Variants in DCP1B observed in about 807,000 individuals in gnomAD.
DCP1B encodes mRNA-decapping enzyme 1B.
Under a neutral mutation model 60.5 loss-of-function variants are expected in DCP1B, and 47 were observed. The ratio of observed to expected loss-of-function variants is 0.78; its 90% CI spans 0.61 to 0.99. The LOEUF (loss-of-function observed/expected upper bound fraction) is 0.99. Ranked by LOEUF, DCP1B falls within the 50% of genes least tolerant of loss-of-function variation. The pLI is 0.00. For synonymous variants in DCP1B, 267 were observed against 280.3 expected (o/e 0.95, Z 0.47); for missense variants, 725 against 756.8 (o/e 0.96, Z 0.49).
Position 1,953,092 on chromosome 12 carries a change from G to A in DCP1B, c.848C>T (p.Ser283Leu). ...ACAGAGCTGCTTCTCAATGGGGGGT[G>A]AGTGTCTTCTGGGTTCCTCATAGGA... ...SLSYEEPRRHSPPIEKQLCPA... is the reference protein window; with the variant it reads ...SLSYEEPRRHLPPIEKQLCPA... The change falls in exon 7 of 9, where the codon TCA becomes TTA. Residue 283 changes from serine (S) to leucine (L), a missense_variant. Transcript: ENST00000280665. 6.2e-7 allele frequency: 1 copy of A among 1,614,126 alleles called. No individual in the cohort carries two copies. Among genetic ancestry groups the A allele is most frequent in the Non-Finnish European group, 8.5e-7 (1 of 1,180,020 alleles).
chr12:1,954,013 T>C (rs939905328), intron 6 of DCP1B, among the ~76,000 whole-genome samples: 14 of 152,024 alleles, frequency 9.2e-5, no homozygotes, highest in African/African-American at 3.1e-4. Flanking sequence ...CAAAACCCCA[T>C]CTCTACAAAA....
chr12:1,949,211 C>A lies in DCP1B; in HGVS notation c.1648G>T (p.Gly550Cys). The A allele has an allele frequency of 1.2e-6, 2 of 1,614,192 alleles. No individual in the cohort carries two copies. The highest frequency in any genetic ancestry group is 1.7e-6 in the Non-Finnish European group (2 of 1,180,036). ...ERESGLLPVG[G>C]QEPPAAATSL... The stretch of plus-strand genomic sequence containing the variant: ...GTGGCAGCAGCAGGTGGCTCCTGGC[C>A]TCCCACAGGCAAGAGGCCGCTCTCC... Residue 550 changes from glycine to cysteine, a missense_variant, in exon 8 of 9, where the codon GGC becomes TGC. Coordinates refer to ENST00000280665, the MANE Select transcript of DCP1B (RefSeq NM_152640.5).
rs1487382756 is a variant in DCP1B, at chr12:1,981,705, C to A, written c.319+11559G>T. ...AGTGCTCAATAACAAATGAGCAAAGCAAATATAAGTACAACATAAAAGACA... is the reference window on the plus strand; with the variant it reads ...AGTGCTCAATAACAAATGAGCAAAGAAAATATAAGTACAACATAAAAGACA... On this transcript the variant is annotated intron_variant, in intron 3 of 8. Coordinates refer to ENST00000280665, the MANE Select transcript of DCP1B (RefSeq NM_152640.5). Among the ~76,000 whole-genome samples the A allele has an allele frequency of 3.4e-4, 51 of 152,042 alleles. 1 individual carries two copies.
intron 3 of DCP1B, among the ~76,000 whole-genome samples, chr12:1,977,754 TAAGTA>T (rs1322970785): frequency 6.6e-6 from 1 of 152,252 alleles, no homozygotes; most frequent in Non-Finnish European, 1.5e-5. Context: ...AAATGCATTC[TAAGTA>T]TAGTGAGCAA....
At position 1,997,980 on chromosome 12, in the gene DCP1B, A is replaced by C. The variant is rs1347847940; in HGVS notation, c.151-5T>G. 1 of 1,607,998 alleles carries C rather than the reference A, an allele frequency of 6.2e-7. No homozygotes were observed. The highest frequency in any genetic ancestry group is 1.1e-5 in the South Asian group (1 of 89,470). ...TCCTTCCACATCAGTTTTCTCCTAA[A>C]CAATAAAAACAAAACACACAAGACA... On this transcript the variant is annotated splice_region_variant and splice_polypyrimidine_tract_variant and intron_variant, in intron 1 of 8. Coordinates refer to ENST00000280665, the MANE Select transcript of DCP1B (RefSeq NM_152640.5).
At chr12:1,946,021 T>TA, downstream of DCP1B, 1 of 480,768 alleles carries the variant, frequency 2.1e-6, no homozygotes, top group Non-Finnish European at 3.6e-6. Context: ...CCCCAGAACT[T>TA]AAAGTATAAT....
At chr12:1,946,005 C>A (rs188496340), downstream of DCP1B, 593 of 442,486 alleles carry the variant, frequency 1.3e-3, 2 homozygotes, top group Admixed American at 2.1e-3. Flanking sequence ...ATGTTCTGTA[C>A]ATGTACCCCA....
intron 3 of DCP1B, among the ~76,000 whole-genome samples, chr12:1,983,164 C>T (rs561111271): frequency 6.6e-6 from 1 of 151,152 alleles, no homozygotes; most frequent in Admixed American, 6.6e-5. Flanking sequence ...AGGTGTTTAC[C>T]AGTTTTACTG....
At chr12:2,004,212 G>A (rs754864982) in intron 1 of DCP1B, 70 bp downstream of exon 1, 2 of 1,589,010 alleles carry the variant, frequency 1.3e-6, no homozygotes, top group Admixed American at 1.7e-5. Context: ...GGGTCCTCAA[G>A]TCCTGAGTCT....
chr12:1,949,378 C>T, intron 7 of DCP1B, 44 bp from the exon 8 acceptor site: 1 of 1,599,726 alleles, frequency 6.3e-7, no homozygotes, highest in South Asian at 1.1e-5. Context: ...TCAGGAGCAG[C>T]TCACGGCATG....
intron 1 of DCP1B, among the ~76,000 whole-genome samples, chr12:2,000,670 C>T (rs565445776): frequency 6.6e-6 from 1 of 152,254 alleles, no homozygotes; most frequent in African/African-American, 2.4e-5. Flanking sequence ...AACCTGGGAC[C>T]TGTAGTGGGG....
intron 3 of DCP1B, among the ~76,000 whole-genome samples, chr12:1,979,085 C>T (rs541591227): frequency 6.6e-6 from 1 of 152,220 alleles, no homozygotes; most frequent in East Asian, 1.9e-4. Flanking sequence ...TCTTGGCTCA[C>T]TGCTGCAACC....
At chr12:1,999,428 T>C (rs985794199) in intron 1 of DCP1B, among the ~76,000 whole-genome samples, 2 of 152,240 alleles carry the variant, frequency 1.3e-5, no homozygotes, top group Non-Finnish European at 2.9e-5. Flanking sequence ...ATAAAGAATT[T>C]AGACCAGGCA....
chr12:1,977,603 G>T (rs1182515391), intron 3 of DCP1B, among the ~76,000 whole-genome samples: 1 of 152,160 alleles, frequency 6.6e-6, no homozygotes, highest in African/African-American at 2.4e-5. Context: ...TGGCACCACA[G>T]AATATAAGTA....
At position 1,972,278 on chromosome 12, in the gene DCP1B, T is replaced by C. The variant is rs188225543; in HGVS notation, c.320-4368A>G. ...CACAAGAGTAGAATAATATTTTCAATGTAAGGATGGAGAATATCTAATCAT... is the reference window on the plus strand; with the variant it reads ...CACAAGAGTAGAATAATATTTTCAACGTAAGGATGGAGAATATCTAATCAT... On this transcript the variant is annotated intron_variant, in intron 3 of 8. Transcript: ENST00000280665. Among the ~76,000 whole-genome samples, 466 of 152,340 alleles carry C rather than the reference T, an allele frequency of 3.1e-3. 1 individual carries two copies. The highest frequency in any genetic ancestry group is 5.6e-3 in the Non-Finnish European group (383 of 68,022).
chr12:1,995,342 C>T (rs1251102030), intron 2 of DCP1B, among the ~76,000 whole-genome samples: 1 of 152,266 alleles, frequency 6.6e-6, no homozygotes, highest in African/African-American at 2.4e-5. Context: ...ACCCTGTGTG[C>T]ATGGCACATA....
At position 1,953,244 on chromosome 12, in the gene DCP1B, A is replaced by C; in HGVS notation, c.696T>G (p.Phe232Leu). 7 of 1,603,864 alleles carry C rather than the reference A, an allele frequency of 4.4e-6. No homozygotes were observed. The highest frequency in any genetic ancestry group is 5.9e-6 in the Non-Finnish European group (7 of 1,179,872). The change falls in exon 7 of 9, where the codon TTT (phenylalanine) becomes TTG (leucine). Residue 232 changes from phenylalanine (F) to leucine (L), a missense_variant. Transcript: ENST00000280665. Reference sequence around the variant, plus strand: ...GACATGTAGCTTTGTCCTGCTTCCCAAACAGAGCTGTCAAGGATAAGTGTT... The same window carrying C: ...GACATGTAGCTTTGTCCTGCTTCCCCAACAGAGCTGTCAAGGATAAGTGTT... The part of the protein sequence containing the change: ...EPQHLSLTAL[F>L]GKQDKATCQE...
intron 2 of DCP1B, among the ~76,000 whole-genome samples, chr12:1,995,876 C>CCCTGGG (rs764513293): frequency 8.5e-5 from 13 of 152,260 alleles, no homozygotes; most frequent in Middle Eastern, 3.4e-3. Flanking sequence ...CCATCTCCAG[C>CCCTGGG]CCTGCCCTTA....
chr12:1,972,074 A>G (rs1321584979), intron 3 of DCP1B, among the ~76,000 whole-genome samples: 1 of 152,244 alleles, frequency 6.6e-6, no homozygotes. Context: ...TCCTCTCAAA[A>G]AGACAGGGAA....
Sources: gnomAD v4.1 joint callset for allele counts (sites outside exome capture counted in the v4.1 genomes callset) on GRCh38, gnomAD v4.1.1 for gene constraint, MANE v1.5 for transcripts, NCBI Gene and HGNC (gene_info 2026-07-23, HGNC 2026-07-21) for gene names.